HTR3E: variants seen among roughly 807,000 people sequenced by gnomAD.
HTR3E encodes 5-hydroxytryptamine receptor 3E.
HTR3E carries 38 observed loss-of-function variants against 38.0 expected under a neutral mutation model. The ratio of observed to expected loss-of-function variants is 1.00; its 90% CI spans 0.77 to 1.31. The LOEUF (loss-of-function observed/expected upper bound fraction) is 1.31, where lower values mean the gene tolerates loss of function less well. Ranked by LOEUF, HTR3E falls within the 50% of genes most tolerant of loss-of-function variation. The pLI, the probability that HTR3E is intolerant of heterozygous loss-of-function variation, is 0.00. For missense variants in HTR3E, 547 were observed against 585.2 expected, an observed-to-expected ratio of 0.93 and a Z score of 0.67; for synonymous variants, 210 against 232.9, an observed-to-expected ratio of 0.90 and a Z score of 0.89.
intron 1 of HTR3E, among the ~76,000 whole-genome samples, chr3:184,099,663 G>A (rs1436065796): frequency 2.2e-5 from 3 of 136,200 alleles, no homozygotes; most frequent in Admixed American, 7.7e-5. Flanking sequence ...GCAGTGAGCC[G>A]AGATTGCGCC....
intron 3 of HTR3E, among the ~76,000 whole-genome samples, chr3:184,103,798 G>GA (rs965403309): frequency 7.5e-5 from 10 of 133,756 alleles, no homozygotes; most frequent in South Asian, 2.4e-4. Flanking sequence ...CTCCATCTCA[G>GA]AAAAAAAAAA....
chr3:184,104,835 T>C lies in HTR3E; in HGVS notation c.438T>C (p.Asn146=). Residue 146 remains asparagine (N), a synonymous_variant, in exon 5 of 9, where the codon AAT becomes AAC. Transcript: ENST00000415389. ...TPKGLTAYVS[N]EGRIRYKKPM... Reference sequence around the variant, plus strand: ...AAGGCCTCACAGCATATGTAAGTAATGAAGGTCGCATCAGGTATAAGAAAC... The same window carrying C: ...AAGGCCTCACAGCATATGTAAGTAACGAAGGTCGCATCAGGTATAAGAAAC... 1 of 1,613,674 alleles carries C rather than the reference T, an allele frequency of 6.2e-7. No homozygotes were observed. Among genetic ancestry groups the C allele is most frequent in the South Asian group, 1.1e-5 (1 of 91,060 alleles).
Position 184,105,915 on chromosome 3 carries a change from G to A in HTR3E, c.871G>A (p.Val291Ile), listed in dbSNP as rs144049189. 9.2e-5 allele frequency: 148 copies of A among 1,614,110 alleles called. No homozygotes were observed. The African/African-American group carries it at 1.0e-3, about 11-fold the overall frequency. The stretch of plus-strand genomic sequence containing the variant: ...GATAACGCTCCTGCTGGGCTACAAC[G>A]TCTTCCTGCTCATGATGAGTGACTT... Reference protein sequence around the residue: ...FKITLLLGYNVFLLMMSDLLP... With the variant: ...FKITLLLGYNIFLLMMSDLLP... The change falls in exon 7 of 9, where the codon GTC becomes ATC. Residue 291 changes from valine to isoleucine, a missense_variant. By Grantham distance (29) the Val-to-Ile change is conservative. Coordinates refer to ENST00000415389, the MANE Select transcript of HTR3E (RefSeq NM_001256613.2).
At chr3:184,104,985 GGT>G in intron 5 of HTR3E, 29 bp downstream of exon 5, 1 of 1,587,508 alleles carries the variant, frequency 6.3e-7, no homozygotes, top group Non-Finnish European at 8.6e-7. Flanking sequence ...TCAGGGATGG[GGT>G]GAATGAGAGC....
rs373215721 is a variant in HTR3E at position 184,100,512 on chromosome 3, G to A, written c.95G>A (p.Cys32Tyr). The A allele has an allele frequency of 6.2e-6, 10 of 1,614,118 alleles. No homozygotes were observed. Among genetic ancestry groups the A allele is most frequent in the Non-Finnish European group, 7.6e-6 (9 of 1,180,032 alleles). The part of the protein sequence containing the change: ...QGRGVTFTIN[C>Y]SGFGQHGADP... Reference sequence around the variant, plus strand: ...AGGGGCGTTACTTTCACCATCAATTGCTCAGGGTTTGGCCAGCACGGGGCG... The same window carrying A: ...AGGGGCGTTACTTTCACCATCAATTACTCAGGGTTTGGCCAGCACGGGGCG... The change falls in exon 2 of 9, where the codon TGC (cysteine) becomes TAC (tyrosine). Residue 32 changes from cysteine (C) to tyrosine (Y), a missense_variant. Cys to Tyr is a radical substitution (Grantham distance 194). Transcript: ENST00000415389.
chr3:184,104,313 G>A, intron 4 of HTR3E, 22 bp downstream of exon 4: 1 of 1,594,642 alleles, frequency 6.3e-7, no homozygotes, highest in South Asian at 1.1e-5. Flanking sequence ...GGGCTGGTCA[G>A]AGGGAAGTCC....
chr3:184,099,495 A>C (rs1371628438), intron 1 of HTR3E, among the ~76,000 whole-genome samples: 1 of 151,912 alleles, frequency 6.6e-6, no homozygotes, highest in African/African-American at 2.4e-5. Flanking sequence ...CGGGTGGATC[A>C]TGAAGTCAGG....
At chr3:184,102,704 C>T (rs1231995680) in intron 3 of HTR3E, among the ~76,000 whole-genome samples, 1 of 151,476 alleles carries the variant, frequency 6.6e-6, no homozygotes, top group Non-Finnish European at 1.5e-5. Context: ...GCCGGTGGAT[C>T]GCCTGAACTC....
rs2108986184 is a variant in HTR3E, at chr3:184,097,373, A to G, written c.-157A>G. 1.6e-6 allele frequency: 1 copy of G among 614,032 alleles called. No individual in the cohort carries two copies. Among genetic ancestry groups the G allele is most frequent in the Non-Finnish European group, 2.9e-6 (1 of 348,890 alleles). 38.0% of individuals were successfully genotyped at this position (614,032 alleles called of 1,614,324 possible). A position where few individuals can be genotyped will look rare whatever the true frequency, so the allele number is the denominator to read the frequency against. Reference sequence around the variant, plus strand: ...TGAACCTTAAGCATAGGCAAGAACAAGACAACCAGAACACTCTTTGAAGGA... The same window carrying G: ...TGAACCTTAAGCATAGGCAAGAACAGGACAACCAGAACACTCTTTGAAGGA... On this transcript the variant is annotated 5_prime_UTR_variant, in exon 1 of 9. Coordinates refer to ENST00000415389, the MANE Select transcript of HTR3E (RefSeq NM_001256613.2).
chr3:184,099,739 A>AAAAAAAAAAAAAAC (rs767836103), intron 1 of HTR3E, among the ~76,000 whole-genome samples: 13 of 113,090 alleles, frequency 1.1e-4, no homozygotes, highest in African/African-American at 4.1e-4. Context: ...AAAAAAAAAA[A>AAAAAAAAAAAAAAC]AGAAAGAAAT....
intron 4 of HTR3E, 79 bp downstream of exon 4, chr3:184,104,370 G>T (rs1337684856): frequency 1.3e-6 from 2 of 1,540,004 alleles, no homozygotes; most frequent in Non-Finnish European, 1.7e-6. Flanking sequence ...TGGGGCCACT[G>T]TAAGTGGTCT....
At chr3:184,103,182 T>G (rs925679945) in intron 3 of HTR3E, among the ~76,000 whole-genome samples, 1 of 152,068 alleles carries the variant, frequency 6.6e-6, no homozygotes, top group Non-Finnish European at 1.5e-5. Flanking sequence ...AGTTTCCAAC[T>G]TGAAAAGCCT....
intron 6 of HTR3E, 30 bp from the exon 7 acceptor site, chr3:184,105,735 A>G (rs1318556984): frequency 5.8e-6 from 9 of 1,557,228 alleles, no homozygotes; most frequent in Non-Finnish European, 8.0e-6. Flanking sequence ...TGACCCCATA[A>G]CTACTTACCA....
intron 3 of HTR3E, 145 bp downstream of exon 3, chr3:184,101,674 G>T (rs1712053007): frequency 1.4e-6 from 1 of 740,480 alleles, no homozygotes; most frequent in Non-Finnish European, 2.4e-6. Flanking sequence ...AATGGTGAGG[G>T]GCTTTAATAC....
rs1267644376 is a variant in HTR3E at position 184,106,337 on chromosome 3, C to G, written c.1135C>G (p.Leu379Val). ...NKGPGLTPTH[L>V]PGVKEPEVSA... ...GGGCCCGGGTCTCACCCCCACCCAC[C>G]TGCCCGGTGAGGGAAGTCACATTCC... The change falls in exon 8 of 9, where the codon CTG (leucine) becomes GTG (valine). Residue 379 changes from leucine to valine, a missense_variant. Physicochemically the swap from Leu to Val is conservative, Grantham distance 32. Coordinates refer to ENST00000415389, the MANE Select transcript of HTR3E (RefSeq NM_001256613.2). This position sits in a 1 kb window ranked among gnomAD's most constrained non-coding sequence, Gnocchi z 4.1. 6.2e-6 allele frequency: 10 copies of G among 1,609,896 alleles called. No homozygotes were observed. The highest frequency in any genetic ancestry group is 1.1e-5 in the South Asian group (1 of 90,624).
intron 1 of HTR3E, chr3:184,100,257 G>T: frequency 7.4e-7 from 1 of 1,355,164 alleles, no homozygotes; most frequent in Non-Finnish European, 1.0e-6. Flanking sequence ...TAGTTAGCTC[G>T]TTTATTACAT....
rs112982031 is a variant in HTR3E at position 184,106,632 on chromosome 3, G to C, written c.1310G>C (p.Arg437Pro). ...FSHAMDAMLF[R>P]LYLLFMASSI... ...CACGCGATGGACGCCATGCTCTTCC[G>C]CCTCTACCTGCTCTTCATGGCCTCC... Residue 437 changes from arginine (R) to proline (P), a missense_variant, in exon 9 of 9, where the codon CGC (arginine) becomes CCC (proline). By Grantham distance (103) the Arg-to-Pro change is moderately radical (BLOSUM62 -2). Transcript: ENST00000415389. The surrounding 1 kb of genome is among the most constrained non-coding windows in gnomAD (Gnocchi z 4.1). 6.2e-7 allele frequency: 1 copy of C among 1,614,144 alleles called. No individual in the cohort carries two copies. The highest frequency in any genetic ancestry group is 8.5e-7 in the Non-Finnish European group (1 of 1,180,026).
At chr3:184,100,422 C>T (rs1271725562) in intron 1 of HTR3E, 63 bp from the exon 2 acceptor site, 1 of 1,613,130 alleles carries the variant, frequency 6.2e-7, no homozygotes, top group African/African-American at 1.3e-5. Flanking sequence ...GCCTTGGGGC[C>T]CCTCTCATAT....
chr3:184,099,965 C>A (rs186277301), intron 1 of HTR3E, among the ~76,000 whole-genome samples: 1 of 152,024 alleles, frequency 6.6e-6, no homozygotes, highest in East Asian at 1.9e-4. Context: ...TTTGGGCATG[C>A]TTTGCATGGA....
Sources: allele counts gnomAD v4.1 joint callset (sites outside exome capture counted in the v4.1 genomes callset), GRCh38; gene constraint gnomAD v4.1.1; non-coding constraint Gnocchi (gnomAD v3.1); transcripts MANE v1.5; gene names NCBI Gene and HGNC (gene_info 2026-07-23, HGNC 2026-07-21).